The following NEK1 variants were observed in gnomAD, a reference collection of about 807,000 sequenced individuals.
The protein encoded by NEK1 is serine/threonine-protein kinase Nek1.
Under a neutral mutation model 182.1 loss-of-function variants are expected in NEK1, and 137 were observed. The observed-to-expected ratio is 0.75, with a 90% confidence interval of 0.65 to 0.87. NEK1 has a LOEUF of 0.87. Among genes scored for constraint, NEK1 ranks in the 40% least tolerant of loss-of-function variants. The pLI is 0.00. For synonymous variants in NEK1, 513 were observed against 492.2 expected, an observed-to-expected ratio of 1.04 and a Z score of -0.56; for missense variants, 1,391 against 1,494.4, an observed-to-expected ratio of 0.93 and a Z score of 1.14.
At chr4:169,605,276 A>G (rs1433290283) in intron 2 of NEK1, among the ~76,000 whole-genome samples, 1 of 152,188 alleles carries the variant, frequency 6.6e-6, no homozygotes, top group South Asian at 2.1e-4. Context: ...TGCCAACAAC[A>G]TTACTGAACA....
rs1267781065 is a variant in NEK1, at chr4:169,523,916, T to C, written c.1665+13893A>G. On this transcript the variant is annotated intron_variant, in intron 19 of 35. Coordinates refer to ENST00000507142, the MANE Select transcript of NEK1 (RefSeq NM_001199397.3). ...AACTGCACATTTTGTAAGGTAGGTT[T>C]TCCATTAGTATAAATAAACACAGTA... Among the ~76,000 whole-genome samples, 4 of 152,214 alleles carry C rather than the reference T, an allele frequency of 2.6e-5. No homozygotes were observed. In the East Asian group the frequency reaches 7.7e-4, roughly 29 times the overall value.
chr4:169,401,163 T>C (rs1374150901), intron 33 of NEK1, among the ~76,000 whole-genome samples: 1 of 152,192 alleles, frequency 6.6e-6, no homozygotes, highest in Non-Finnish European at 1.5e-5. Context: ...TCTTTTCACA[T>C]TAGCTTTTCT....
intron 11 of NEK1, among the ~76,000 whole-genome samples, chr4:169,580,486 C>A (rs1355139770): frequency 2.7e-5 from 2 of 75,218 alleles, no homozygotes; most frequent in African/African-American, 5.7e-5. Flanking sequence ...AAGAGCGAAA[C>A]TTCATCTCAA....
chr4:169,466,229 G>T (rs1744900401), intron 26 of NEK1, among the ~76,000 whole-genome samples: 1 of 151,656 alleles, frequency 6.6e-6, no homozygotes, highest in Non-Finnish European at 1.5e-5. Flanking sequence ...CATTCATACT[G>T]AAGACAGAAA....
chr4:169,489,928 G>A (rs959016433), intron 23 of NEK1, among the ~76,000 whole-genome samples: 2 of 152,098 alleles, frequency 1.3e-5, no homozygotes, highest in African/African-American at 2.4e-5. Context: ...TTGTACTCAA[G>A]TCACAAGTAT....
chr4:169,504,992 A>T (rs1315156844), intron 23 of NEK1, among the ~76,000 whole-genome samples: 1 of 152,168 alleles, frequency 6.6e-6, no homozygotes, highest in Non-Finnish European at 1.5e-5. Context: ...TATCCCATAA[A>T]TATATACATC....
chr4:169,533,617 T>G (rs1758006864), intron 19 of NEK1, among the ~76,000 whole-genome samples: 1 of 152,174 alleles, frequency 6.6e-6, no homozygotes, highest in African/African-American at 2.4e-5. Context: ...AAACGTAAAT[T>G]TTTGAAATAA....
At chr4:169,541,905 C>A (rs1009732836) in intron 18 of NEK1, among the ~76,000 whole-genome samples, 2 of 152,074 alleles carry the variant, frequency 1.3e-5, no homozygotes, top group Non-Finnish European at 2.9e-5. Flanking sequence ...CATATCTGAC[C>A]GAAATGTGTC....
chr4:169,463,423 T>G, intron 26 of NEK1, 28 bp from the exon 27 acceptor site: 1 of 1,548,278 alleles, frequency 6.5e-7, no homozygotes, highest in Admixed American at 1.7e-5. Flanking sequence ...AAAGAAACAA[T>G]TTTCAATAAC....
At chr4:169,497,867 A>T (rs1462758537) in intron 23 of NEK1, among the ~76,000 whole-genome samples, 3 of 152,226 alleles carry the variant, frequency 2.0e-5, no homozygotes, top group African/African-American at 4.8e-5. Context: ...GGTGCTGAAA[A>T]GAATGTATAT....
Position 169,589,511 on chromosome 4 carries a change from T to A in NEK1, c.400A>T (p.Ile134Leu), listed in dbSNP as rs1768073107. Residue 134 changes from isoleucine to leucine, a missense_variant, in exon 7 of 36, where the codon ATA becomes TTA. Around this residue, in one of 5 missense-constraint regions of NEK1, gnomAD observed 116 missense variants for 114.5 expected, o/e 1.01. Transcript: ENST00000507142. ...ILHRDIKSQN[I>L]FLTKDGTVQL... Reference sequence around the variant, plus strand: ...ACTGTTCCATCTTTAGTTAAAAATATGTTCTGTAAAAGACAGGAAAAAAAA... The same window carrying A: ...ACTGTTCCATCTTTAGTTAAAAATAAGTTCTGTAAAAGACAGGAAAAAAAA... The A allele has an allele frequency of 6.7e-7, 1 of 1,494,170 alleles. No homozygotes were observed. The highest frequency in any genetic ancestry group is 1.4e-5 in the African/African-American group (1 of 70,982). The allele number at this position is 1,494,170 out of a possible 1,614,324, so 92.6% of individuals were successfully genotyped here.
rs1753738886 is a variant in NEK1 at position 169,508,837 on chromosome 4, G to A, written c.1681C>T (p.Leu561=). 6.3e-7 allele frequency: 1 copy of A among 1,590,806 alleles called. No homozygotes were observed. Among genetic ancestry groups the A allele is most frequent in the East Asian group, 2.2e-5 (1 of 44,742 alleles). ...GGCCTGCCTCCATACATAGCTGCCA[G>A]GTTTTGCAGGATTCCCTGTTTATCA... is the stretch of plus-strand genomic sequence containing the variant. ...AEGHMGILQN[L]AAMYGGRPSS... Residue 561 remains leucine, a synonymous_variant, in exon 20 of 36, where the codon CTG becomes TTG. Coordinates refer to ENST00000507142, the MANE Select transcript of NEK1 (RefSeq NM_001199397.3).
chr4:169,428,910 C>T (rs896937473), intron 29 of NEK1, among the ~76,000 whole-genome samples: 4 of 152,070 alleles, frequency 2.6e-5, no homozygotes, highest in Non-Finnish European at 5.9e-5. Flanking sequence ...ATGTTTTAGA[C>T]ATCTTTCCAT....
At position 169,450,083 on chromosome 4, in the gene NEK1, T is replaced by C. The variant is rs144596865; in HGVS notation, c.2588-11824A>G. 3.8e-3 allele frequency among the ~76,000 whole-genome samples: 572 copies of C among 152,214 alleles called. 6 individuals are homozygous for C. The highest frequency in any genetic ancestry group is 0.012 in the African/African-American group (511 of 41,534). On this transcript the variant is annotated intron_variant, in intron 27 of 35. Coordinates refer to ENST00000507142, the MANE Select transcript of NEK1 (RefSeq NM_001199397.3). The stretch of plus-strand genomic sequence containing the variant: ...CAAGTGGAAGAAAGGGTATCAGTGA[T>C]TGAAGATCAAATGAATGAAATAAAG...
At chr4:169,531,555 G>A (rs1233338768) in intron 19 of NEK1, among the ~76,000 whole-genome samples, 7 of 151,740 alleles carry the variant, frequency 4.6e-5, no homozygotes, top group Admixed American at 1.3e-4. Context: ...AAGCAAAGTC[G>A]AGGAGAAACT....
At position 169,438,416 on chromosome 4, in the gene NEK1, A is replaced by G. The variant is rs548293211; in HGVS notation, c.2588-157T>C. On this transcript the variant is annotated intron_variant, in intron 27 of 35. Coordinates refer to ENST00000507142, the MANE Select transcript of NEK1 (RefSeq NM_001199397.3). ...TTAGAAGTTAATAAGTGACTACAGT[A>G]TATGAAAGTCAAATTTCATTTCAAT... is the stretch of plus-strand genomic sequence containing the variant. Among the ~76,000 whole-genome samples the G allele has an allele frequency of 2.6e-5, 4 of 152,390 alleles. No individual in the cohort carries two copies. The South Asian group carries it at 6.2e-4, about 24-fold the overall frequency.
At chr4:169,414,464 G>A (rs1304100262) in intron 31 of NEK1, among the ~76,000 whole-genome samples, 1 of 152,034 alleles carries the variant, frequency 6.6e-6, no homozygotes, top group Non-Finnish European at 1.5e-5. Flanking sequence ...ATTTGACAAA[G>A]TGTTCATAAT....
intron 26 of NEK1, among the ~76,000 whole-genome samples, chr4:169,469,225 AG>A (rs1239561962): frequency 4.6e-5 from 7 of 152,054 alleles, no homozygotes; most frequent in East Asian, 1.9e-4. Flanking sequence ...TGTCAATTTT[AG>A]GTCTTTCCCA....
In NEK1 at chr4:169,590,790, T is replaced by C; in HGVS notation, c.332A>G (p.Gln111Arg). ...TACATGTTTCAGGGCCAAACATATC[T>C]GTACAAACCAGTCCAAAATCTAGGA... ...QEDQILDWFV[Q>R]ICLALKHVHD... Residue 111 changes from glutamine to arginine, a missense_variant, in exon 6 of 36, where the codon CAG becomes CGG. By Grantham distance (43) the Gln-to-Arg change is conservative. Transcript: ENST00000507142. The C allele has an allele frequency of 6.3e-7, 1 of 1,596,992 alleles. No homozygotes were observed. The highest frequency in any genetic ancestry group is 8.5e-7 in the Non-Finnish European group (1 of 1,170,944).
Sources: allele counts gnomAD v4.1 joint callset (sites outside exome capture counted in the v4.1 genomes callset), GRCh38; gene constraint gnomAD v4.1.1; regional missense constraint gnomAD v4.1.1; transcripts MANE v1.5; gene names NCBI Gene and HGNC (gene_info 2026-07-23, HGNC 2026-07-21).